LINGO2: variants seen among roughly 807,000 people sequenced by gnomAD.
LINGO2 encodes the protein leucine rich repeat and Ig domain containing 2, also known as leucine-rich repeat and immunoglobulin-like domain-containing nogo receptor-interacting protein 2.
A neutral mutation model predicts 30.6 loss-of-function variants in LINGO2; 14 were observed. The ratio of observed to expected loss-of-function variants is 0.46; its 90% CI spans 0.30 to 0.72. LINGO2 has a LOEUF of 0.72. Among genes scored for constraint, LINGO2 ranks in the 30% least tolerant of loss-of-function variants. The probability of loss-of-function intolerance (pLI) is 0.07; values close to 1 mark genes in which losing one functional copy is unlikely to be tolerated. For synonymous variants in LINGO2, 317 were observed against 288.5 expected, an observed-to-expected ratio of 1.10 and a Z score of -1.00; for missense variants, 729 against 751.7, an observed-to-expected ratio of 0.97 and a Z score of 0.35.
chr9:28,882,111 T>C, the LINGO2 span, among the ~76,000 whole-genome samples: 1 of 152,356 alleles, frequency 6.6e-6, no homozygotes, highest in Non-Finnish European at 1.5e-5. Context: ...TTTCTTTATG[T>C]TCAGTAAATT....
At chr9:27,961,976 C>T (rs1420469024) in intron 5 of LINGO2, among the ~76,000 whole-genome samples, 4 of 152,100 alleles carry the variant, frequency 2.6e-5, no homozygotes, top group African/African-American at 9.7e-5. Flanking sequence ...TCCTGGTTTC[C>T]TCAAATGTGT....
chr9:28,642,063 ATG>A (rs35732736), intron 1 of LINGO2, among the ~76,000 whole-genome samples: 59 of 149,286 alleles, frequency 4.0e-4, no homozygotes, highest in East Asian at 1.4e-3. Context: ...AATGTTATAT[ATG>A]TGTGTGTGTG....
chr9:27,949,545 C>G (rs1283042824), exon 6 of LINGO2: 2 of 1,614,048 alleles, frequency 1.2e-6, no homozygotes, highest in Non-Finnish European at 1.7e-6. Context: ...TTGCTGGCCA[C>G]CAAACTGCAG....
chr9:28,877,200 T>C, the LINGO2 span, among the ~76,000 whole-genome samples: 3 of 151,748 alleles, frequency 2.0e-5, no homozygotes, highest in African/African-American at 7.3e-5. Flanking sequence ...ATTTTGTAGG[T>C]TGCCTGTTCA....
At chr9:28,111,778 C>T (rs1826799486) in intron 4 of LINGO2, among the ~76,000 whole-genome samples, 1 of 151,992 alleles carries the variant, frequency 6.6e-6, no homozygotes, top group African/African-American at 2.4e-5. Flanking sequence ...AAGAATGCTG[C>T]AACAGAGATA....
At chr9:28,252,751 A>G (rs979704651) in intron 4 of LINGO2, among the ~76,000 whole-genome samples, 1 of 152,118 alleles carries the variant, frequency 6.6e-6, no homozygotes, top group African/African-American at 2.4e-5. Context: ...CTTTATACCA[A>G]TAAGGAAATT....
chr9:27,946,941 AATTTT>A (rs985698179), downstream of LINGO2, among the ~76,000 whole-genome samples: 39 of 152,222 alleles, frequency 2.6e-4, no homozygotes, highest in African/African-American at 8.7e-4. Context: ...GGGTCAATTT[AATTTT>A]ATTAAAGTTC....
At chr9:29,008,698 T>C in the LINGO2 span, among the ~76,000 whole-genome samples, 61,779 of 152,020 alleles carry the variant, frequency 0.41, 12,639 homozygotes, top group East Asian at 0.49. Flanking sequence ...CATTTTTTCA[T>C]GTGTCTGTTG....
At chr9:28,521,685 C>T (rs543331303) in intron 1 of LINGO2, among the ~76,000 whole-genome samples, 1 of 152,228 alleles carries the variant, frequency 6.6e-6, no homozygotes, top group Non-Finnish European at 1.5e-5. Flanking sequence ...ATAGTGTTTT[C>T]CCCAAAATTA....
the LINGO2 span, among the ~76,000 whole-genome samples, chr9:28,766,577 T>C: frequency 6.6e-6 from 1 of 152,016 alleles, no homozygotes; most frequent in African/African-American, 2.4e-5. Context: ...CTTCTGAATA[T>C]GTACCCCAAA....
intron 2 of LINGO2, among the ~76,000 whole-genome samples, chr9:28,444,953 C>T (rs75163560): frequency 0.016 from 2,380 of 152,230 alleles, 66 homozygotes; most frequent in African/African-American, 0.054. Context: ...CATACTCAGG[C>T]ATAAGGTGCT....
intron 5 of LINGO2, among the ~76,000 whole-genome samples, chr9:27,965,423 G>GGA: frequency 7.2e-6 from 1 of 138,274 alleles, no homozygotes; most frequent in African/African-American, 2.6e-5. Context: ...TTTAAAAATA[G>GGA]AAAAAAAAAA....
intron 5 of LINGO2, among the ~76,000 whole-genome samples, chr9:27,978,417 A>C (rs1223910788): frequency 6.6e-6 from 1 of 152,040 alleles, no homozygotes; most frequent in Non-Finnish European, 1.5e-5. Context: ...GCATTTGGAG[A>C]TAGAACCTTC....
chr9:28,235,343 T>C (rs1272095590), intron 4 of LINGO2, among the ~76,000 whole-genome samples: 1 of 152,164 alleles, frequency 6.6e-6, no homozygotes, highest in Non-Finnish European at 1.5e-5. Context: ...TCCCTTTGAA[T>C]ACCTGGAAAG....
rs138608868 is a variant in LINGO2, at chr9:28,182,773, G to A, written c.-87+112435C>T. Reference sequence around the variant, plus strand: ...AAAATGAGATACCATTCTCAAGCCAGTCAGAATGGCGATTATTAAAAAGTC... The same window carrying A: ...AAAATGAGATACCATTCTCAAGCCAATCAGAATGGCGATTATTAAAAAGTC... On this transcript the variant is annotated intron_variant, in intron 4 of 5. Coordinates refer to ENST00000379992, the Ensembl canonical transcript of LINGO2. Among the ~76,000 whole-genome samples the A allele has an allele frequency of 3.7e-4, 56 of 152,306 alleles. No homozygotes were observed. The East Asian group carries it at 0.01, about 28-fold the overall frequency.
At chr9:28,499,622 A>G (rs1819803864) in intron 1 of LINGO2, among the ~76,000 whole-genome samples, 1 of 152,192 alleles carries the variant, frequency 6.6e-6, no homozygotes. Context: ...TTTTCTTCAT[A>G]TGTAAAGAGT....
chr9:28,305,009 A>G (rs2134225180), intron 3 of LINGO2, among the ~76,000 whole-genome samples: 1 of 152,178 alleles, frequency 6.6e-6, no homozygotes, highest in East Asian at 1.9e-4. Flanking sequence ...TGCAGATAAA[A>G]TGGAATAGCC....
chr9:28,229,978 C>T (rs191843530), intron 4 of LINGO2, among the ~76,000 whole-genome samples: 1 of 151,896 alleles, frequency 6.6e-6, no homozygotes, highest in East Asian at 1.9e-4. Flanking sequence ...GAAAAACTAA[C>T]ACCAAAAGTT....
chr9:28,595,042 C>T (rs1026930201), intron 1 of LINGO2, among the ~76,000 whole-genome samples: 17 of 152,024 alleles, frequency 1.1e-4, no homozygotes, highest in African/African-American at 3.6e-4. Flanking sequence ...AACTCCATCA[C>T]GATCAGAATG....
Sources: gnomAD v4.1 joint callset for allele counts (sites outside exome capture counted in the v4.1 genomes callset) on GRCh38, gnomAD v4.1.1 for gene constraint, MANE v1.5 for transcripts, NCBI Gene and HGNC (gene_info 2026-07-23, HGNC 2026-07-21) for gene names.